DBF4: variants seen among roughly 807,000 people sequenced by gnomAD.
The protein encoded by DBF4 is protein DBF4 homolog A.
Under a neutral mutation model 76.6 loss-of-function variants are expected in DBF4, and 25 were observed. The ratio of observed to expected loss-of-function variants is 0.33; its 90% CI spans 0.24 to 0.46. The LOEUF (loss-of-function observed/expected upper bound fraction) is 0.46. Among genes scored for constraint, DBF4 ranks in the 20% least tolerant of loss-of-function variants. DBF4 has a pLI of 1.00. For missense variants in DBF4, 638 were observed against 760.8 expected (o/e 0.84, Z 1.90); for synonymous variants, 213 against 258.0 (o/e 0.83, Z 1.67).
intron 8 of DBF4, among the ~76,000 whole-genome samples, chr7:87,897,899 T>G (rs1371222208): frequency 6.6e-6 from 1 of 152,184 alleles, no homozygotes; most frequent in Non-Finnish European, 1.5e-5. Context: ...TGCCTCAGCC[T>G]CCCAAGTAGC....
intron 5 of DBF4, among the ~76,000 whole-genome samples, chr7:87,887,693 G>A (rs1452168352): frequency 6.6e-6 from 1 of 152,126 alleles, no homozygotes; most frequent in African/African-American, 2.4e-5. Context: ...GTGAGGGGCT[G>A]AGTGTGCTAG....
chr7:87,895,102 T>G (rs1464330875), intron 6 of DBF4, among the ~76,000 whole-genome samples: 1 of 152,186 alleles, frequency 6.6e-6, no homozygotes, highest in East Asian at 1.9e-4. Context: ...AGATTTCTAT[T>G]CATTTGTCTT....
intron 2 of DBF4, 66 bp from the exon 3 acceptor site, chr7:87,884,913 G>A (rs1472218299): frequency 8.1e-7 from 1 of 1,239,300 alleles, no homozygotes; most frequent in African/African-American, 1.5e-5. Flanking sequence ...CTCTAGCCTG[G>A]ATAACACAGT....
intron 8 of DBF4, 86 bp downstream of exon 8, chr7:87,897,425 C>T: frequency 8.2e-7 from 1 of 1,222,810 alleles, no homozygotes; most frequent in South Asian, 1.3e-5. Context: ...TCGATTAGTA[C>T]TGTTAGGTTC....
intron 7 of DBF4, 32 bp from the exon 8 acceptor site, chr7:87,897,262 C>T: frequency 6.4e-7 from 1 of 1,553,614 alleles, no homozygotes; most frequent in African/African-American, 1.4e-5. Context: ...CCTGAATTTG[C>T]AAGTATCTAA....
Position 87,887,992 on chromosome 7 carries a change from A to C in DBF4, c.530A>C (p.Tyr177Ser). 1 of 1,554,178 alleles carries C rather than the reference A, an allele frequency of 6.4e-7. No homozygotes were observed. Among genetic ancestry groups the C allele is most frequent in the Non-Finnish European group, 8.7e-7 (1 of 1,150,870 alleles). ...VKILHIDDIR[Y>S]YIEQKKKELY... is the part of the protein sequence containing the mutation. ...CTTTCTTTTAATAAAGACATTAGAT[A>C]CTACATTGAACAAAAGAAAAAAGAG... is the stretch of plus-strand genomic sequence containing the variant. Residue 177 changes from tyrosine (Y) to serine (S), a missense_variant, in exon 6 of 12, where the codon TAC (tyrosine) becomes TCC (serine). Transcript: ENST00000265728.
chr7:87,878,780 C>T (rs1260684605), intron 2 of DBF4, among the ~76,000 whole-genome samples: 1 of 152,092 alleles, frequency 6.6e-6, no homozygotes, highest in Non-Finnish European at 1.5e-5. Flanking sequence ...ATTCTAGGAC[C>T]TTAATAGGAT....
chr7:87,893,262 G>A (rs1257531283), intron 6 of DBF4, among the ~76,000 whole-genome samples: 2 of 138,500 alleles, frequency 1.4e-5, no homozygotes, highest in East Asian at 2.0e-4. Flanking sequence ...TTTTTGAGAC[G>A]GAGTCTCGCT....
intron 6 of DBF4, among the ~76,000 whole-genome samples, chr7:87,894,755 T>C (rs997447513): frequency 6.6e-6 from 1 of 152,288 alleles, no homozygotes; most frequent in Admixed American, 6.5e-5. Flanking sequence ...CTCCATGGAT[T>C]CTGACGAGAA....
rs137991524 is a variant in DBF4 at position 87,908,218 on chromosome 7, T to C, written c.*55T>C. The C allele has an allele frequency of 0.052, 71,174 of 1,362,238 alleles. 2,115 individuals carry two copies. The highest frequency in any genetic ancestry group is 0.059 in the Non-Finnish European group (61,815 of 1,045,178). The allele number at this position is 1,362,238 out of a possible 1,614,324, so 84.4% of individuals were successfully genotyped here. A position where few individuals can be genotyped will look rare whatever the true frequency, so the allele number is the denominator to read the frequency against. On this transcript the variant is annotated 3_prime_UTR_variant, in exon 12 of 12. Coordinates refer to ENST00000265728, the MANE Select transcript of DBF4 (RefSeq NM_006716.4). Reference sequence around the variant, plus strand: ...GATAAGGATCATATTCTTGAAATTTTTATAAATATGTATGGAAATTCTTAG... The same window carrying C: ...GATAAGGATCATATTCTTGAAATTTCTATAAATATGTATGGAAATTCTTAG...
rs1323270648 is a variant in DBF4 at position 87,907,845 on chromosome 7, A to G, written c.1707A>G (p.Leu569=). Residue 569 remains leucine (L), a synonymous_variant, in exon 12 of 12, where the codon TTA becomes TTG. Coordinates refer to ENST00000265728, the MANE Select transcript of DBF4 (RefSeq NM_006716.4). ...NECDFKNMDS[L]PSGKIHRKVK... is the part of the protein sequence containing the mutation. Reference sequence around the variant, plus strand: ...GTGACTTCAAGAATATGGATAGTTTACCTTCTGGTAAAATACATCGAAAAG... The same window carrying G: ...GTGACTTCAAGAATATGGATAGTTTGCCTTCTGGTAAAATACATCGAAAAG... 5.6e-6 allele frequency: 9 copies of G among 1,613,728 alleles called. No homozygotes were observed. The highest frequency in any genetic ancestry group is 6.8e-6 in the Non-Finnish European group (8 of 1,179,934).
intron 4 of DBF4, 88 bp downstream of exon 4, chr7:87,886,982 C>A (rs1839371160): frequency 3.1e-6 from 3 of 978,202 alleles, no homozygotes; most frequent in South Asian, 3.2e-5. Context: ...ATTTTCCTTT[C>A]CACATTTTTA....
chr7:87,888,706 T>C (rs1839419531), intron 6 of DBF4, among the ~76,000 whole-genome samples: 1 of 152,228 alleles, frequency 6.6e-6, no homozygotes. Flanking sequence ...ATCTCTACTT[T>C]TATACTTCCC....
chr7:87,900,956 G>C (rs939474875), intron 10 of DBF4, 78 bp downstream of exon 10: 1 of 1,182,898 alleles, frequency 8.5e-7, no homozygotes, highest in Non-Finnish European at 1.2e-6. Flanking sequence ...TTGTTATTCT[G>C]ATGCAGATAT....
chr7:87,891,219 T>A (rs1839479806), intron 6 of DBF4, among the ~76,000 whole-genome samples: 2 of 151,972 alleles, frequency 1.3e-5, no homozygotes, highest in Admixed American at 6.5e-5. Context: ...TTTGTCGAAT[T>A]TTTTACATAC....
chr7:87,909,109 G>A lies in DBF4; in HGVS notation c.*946G>A, dbSNP rs1333239641. 3 of 152,012 alleles carry A rather than the reference G, an allele frequency of 2.0e-5. No individual in the cohort carries two copies. Among genetic ancestry groups the A allele is most frequent in the African/African-American group, 7.3e-5 (3 of 41,352 alleles). 9.4% of individuals were successfully genotyped at this position (152,012 alleles called of 1,614,324 possible). A position where few individuals can be genotyped will look rare whatever the true frequency, so the allele number is the denominator to read the frequency against. ...AAAAGTTGACTCTACCCCCTAATTT[G>A]GTAGGAGATGAAGGAGAAAAGGATG... On this transcript the variant is annotated 3_prime_UTR_variant, in exon 12 of 12. Coordinates refer to ENST00000265728, the MANE Select transcript of DBF4 (RefSeq NM_006716.4).
At position 87,904,169 on chromosome 7, in the gene DBF4, T is replaced by G. The variant is rs1839861138; in HGVS notation, c.925-123T>G. 4.3e-6 allele frequency: 4 copies of G among 935,784 alleles called. No homozygotes were observed. The East Asian group carries it at 1.1e-4, about 27-fold the overall frequency. The allele number at this position is 935,784 out of a possible 1,614,324, so 58.0% of individuals were successfully genotyped here. A position where few individuals can be genotyped will look rare whatever the true frequency, so the allele number is the denominator to read the frequency against. ...TTTTGAAGTCTAGTAAAGGGTATTA[T>G]CTTTGGAGTAGTTATTGGAAACCTA... On this transcript the variant is annotated intron_variant, in intron 10 of 11. Transcript: ENST00000265728.
chr7:87,889,803 A>C (rs1356169942), intron 6 of DBF4, among the ~76,000 whole-genome samples: 1 of 152,242 alleles, frequency 6.6e-6, no homozygotes, highest in Non-Finnish European at 1.5e-5. Flanking sequence ...TAGGTTGAAA[A>C]GTGAATGGGA....
At chr7:87,903,930 G>A (rs1393175201) in intron 10 of DBF4, among the ~76,000 whole-genome samples, 4 of 151,722 alleles carry the variant, frequency 2.6e-5, no homozygotes, top group Non-Finnish European at 5.9e-5. Flanking sequence ...TCCTGACCTC[G>A]GGTGATCCGC....
Sources: allele counts gnomAD v4.1 joint callset (sites outside exome capture counted in the v4.1 genomes callset), GRCh38; gene constraint gnomAD v4.1.1; transcripts MANE v1.5; gene names NCBI Gene and HGNC (gene_info 2026-07-23, HGNC 2026-07-21).